Variants in MTNAP1 observed in about 807,000 individuals in gnomAD.
MTNAP1 encodes the protein mitochondrial nucleoid associated protein 1.
At chr17:73,244,162 A>T in the MTNAP1 span, among the ~76,000 whole-genome samples, 2 of 152,250 alleles carry the variant, frequency 1.3e-5, no homozygotes, top group Admixed American at 1.3e-4. Context: ...TTCATTTCTT[A>T]TTGTATTATT....
chr17:73,247,811 A>G, the MTNAP1 span: 1 of 160,934 alleles, frequency 6.2e-6, no homozygotes, highest in African/African-American at 2.4e-5. Context: ...CTGAGAATCC[A>G]CAATACAGTA....
chr17:73,247,175 C>T, the MTNAP1 span: 35 of 1,404,268 alleles, frequency 2.5e-5, no homozygotes, highest in East Asian at 1.1e-4. Flanking sequence ...ACAGCAAAGT[C>T]GAGTAGTTGC....
the MTNAP1 span, chr17:73,235,725 G>A: frequency 4.3e-6 from 7 of 1,614,024 alleles, no homozygotes; most frequent in Admixed American, 1.7e-5. Flanking sequence ...ATTCTAAGTT[G>A]GTGGTGGACA....
the MTNAP1 span, among the ~76,000 whole-genome samples, chr17:73,234,439 C>T: frequency 7.6e-6 from 1 of 131,076 alleles, no homozygotes. Flanking sequence ...CGCCTGTAAT[C>T]CCAGCACACT....
At chr17:73,236,814 C>T in the MTNAP1 span, 13 of 1,614,030 alleles carry the variant, frequency 8.1e-6, no homozygotes, top group South Asian at 2.2e-5. Flanking sequence ...AGAGCCCCTT[C>T]ACCAATCATG....
At chr17:73,248,696 G>T in the MTNAP1 span, 1 of 739,020 alleles carries the variant, frequency 1.4e-6, no homozygotes, top group Non-Finnish European at 2.3e-6. Flanking sequence ...GAATATTCAC[G>T]GACATGCCTG....
the MTNAP1 span, chr17:73,236,142 A>G: frequency 1.2e-6 from 2 of 1,614,218 alleles, no homozygotes; most frequent in South Asian, 1.1e-5. Flanking sequence ...TAGTAAAATT[A>G]CTAGATGTGC....
chr17:73,245,485 G>T, the MTNAP1 span: 8 of 1,093,342 alleles, frequency 7.3e-6, no homozygotes, highest in Non-Finnish European at 8.9e-6. Context: ...AAGGAGATGT[G>T]AAGATGACAA....
chr17:73,236,181 G>C, the MTNAP1 span: 3 of 1,614,144 alleles, frequency 1.9e-6, no homozygotes, highest in Non-Finnish European at 2.5e-6. Context: ...TTTCTCCAAA[G>C]AATGTCAGTG....
At chr17:73,246,739 C>G in the MTNAP1 span, among the ~76,000 whole-genome samples, 2 of 152,120 alleles carry the variant, frequency 1.3e-5, no homozygotes, top group Non-Finnish European at 2.9e-5. Context: ...GCAATATATC[C>G]CTGTATCCTA....
the MTNAP1 span, chr17:73,235,957 T>A: frequency 1.2e-6 from 2 of 1,614,218 alleles, no homozygotes; most frequent in Non-Finnish European, 1.7e-6. Context: ...TTTGCCTAAA[T>A]CAGGAGAAAG....
At chr17:73,247,645 G>A in the MTNAP1 span, 3 of 231,988 alleles carry the variant, frequency 1.3e-5, no homozygotes, top group South Asian at 2.3e-4. Context: ...GTCCTAAAAG[G>A]ATATCTGCCT....
At chr17:73,235,803 G>A in the MTNAP1 span, 1 of 1,614,100 alleles carries the variant, frequency 6.2e-7, no homozygotes, top group Non-Finnish European at 8.5e-7. Flanking sequence ...CTACTACAAA[G>A]GCAGATAAAG....
At chr17:73,236,681 T>C in the MTNAP1 span, 5 of 1,614,170 alleles carry the variant, frequency 3.1e-6, no homozygotes, top group Non-Finnish European at 3.4e-6. Flanking sequence ...GTCCCTGATG[T>C]AAAGGCATTA....
chr17:73,246,854 C>T, the MTNAP1 span, among the ~76,000 whole-genome samples: 1 of 152,176 alleles, frequency 6.6e-6, no homozygotes, highest in Non-Finnish European at 1.5e-5. Context: ...GAACAATCTT[C>T]CCTGCCGAAA....
At chr17:73,237,121 T>G in the MTNAP1 span, 3 of 961,368 alleles carry the variant, frequency 3.1e-6, no homozygotes, top group Non-Finnish European at 3.0e-6. Context: ...GGCATGCCAG[T>G]AGACTGCATA....
At chr17:73,236,038 G>A in the MTNAP1 span, 5 of 1,614,118 alleles carry the variant, frequency 3.1e-6, no homozygotes, top group East Asian at 8.9e-5. Context: ...GTCAAATCAA[G>A]ATAGAAAATA....
chr17:73,248,154 T>C, the MTNAP1 span: 1 of 265,116 alleles, frequency 3.8e-6, no homozygotes, highest in Non-Finnish European at 7.2e-6. Context: ...TTCGCTCATG[T>C]ATGCAAAATT....
chr17:73,237,044 C>T, the MTNAP1 span: 2 of 1,471,764 alleles, frequency 1.4e-6, no homozygotes, highest in Middle Eastern at 1.8e-4. Context: ...AAAATGCTCT[C>T]TCTGCCTTTT....
Sources: gnomAD v4.1 joint callset for allele counts (sites outside exome capture counted in the v4.1 genomes callset) on GRCh38, gnomAD v4.1.1 for gene constraint, MANE v1.5 for transcripts, NCBI Gene and HGNC (gene_info 2026-07-23, HGNC 2026-07-21) for gene names.